The following CCDC192 variants were observed in gnomAD, a reference collection of about 807,000 sequenced individuals.
The protein encoded by CCDC192 is coiled-coil domain containing 192.
intron 5 of CCDC192, among the ~76,000 whole-genome samples, chr5:127,803,382 C>G (rs1457974383): frequency 6.6e-6 from 1 of 152,206 alleles, no homozygotes; most frequent in Non-Finnish European, 1.5e-5. Context: ...CCGGGCTAAG[C>G]TGCCCTGGGC....
chr5:127,917,935 T>C (rs969767385), intron 6 of CCDC192, among the ~76,000 whole-genome samples: 1 of 151,988 alleles, frequency 6.6e-6, no homozygotes, highest in Non-Finnish European at 1.5e-5. Context: ...AGCCCAGGTG[T>C]TGGAGACTAA....
At chr5:127,819,888 T>G (rs1172259117) in intron 5 of CCDC192, among the ~76,000 whole-genome samples, 2 of 152,230 alleles carry the variant, frequency 1.3e-5, no homozygotes, top group Non-Finnish European at 2.9e-5. Flanking sequence ...TATAAGGTGC[T>G]TGCACTTGCA....
chr5:127,787,013 T>A (rs1470930703), intron 3 of CCDC192: 1 of 330,248 alleles, frequency 3.0e-6, no homozygotes, highest in Non-Finnish European at 6.0e-6. Flanking sequence ...CTTCAGGCCA[T>A]GGGGGTTCTG....
intron 6 of CCDC192, among the ~76,000 whole-genome samples, chr5:127,913,488 C>A (rs1753433619): frequency 6.6e-6 from 1 of 152,256 alleles, no homozygotes; most frequent in African/African-American, 2.4e-5. Context: ...TTTAGGTTCA[C>A]TTCTACCTAG....
At chr5:127,929,824 G>T (rs1014551396) in intron 6 of CCDC192, among the ~76,000 whole-genome samples, 5 of 152,110 alleles carry the variant, frequency 3.3e-5, no homozygotes, top group Non-Finnish European at 5.9e-5. Context: ...TTCATAAGGA[G>T]GTATCCTTAA....
At chr5:127,753,012 T>A (rs1185478737) in intron 2 of CCDC192, among the ~76,000 whole-genome samples, 2 of 152,162 alleles carry the variant, frequency 1.3e-5, no homozygotes. Context: ...GCCCACTGTC[T>A]GGCACTCCCT....
chr5:127,874,508 G>C (rs1327281085), intron 5 of CCDC192, among the ~76,000 whole-genome samples: 1 of 152,114 alleles, frequency 6.6e-6, no homozygotes, highest in Non-Finnish European at 1.5e-5. Context: ...TTGATAAATT[G>C]ATTTTACTGG....
chr5:127,710,655 G>A (rs1751272048), intron 2 of CCDC192, among the ~76,000 whole-genome samples: 1 of 152,108 alleles, frequency 6.6e-6, no homozygotes, highest in African/African-American at 2.4e-5. Context: ...AGTAGCAGGT[G>A]ATTGAAATTC....
rs1660043128 is a variant in CCDC192 at position 127,933,979 on chromosome 5, A to G, written c.536-7203A>G. 2.6e-5 allele frequency among the ~76,000 whole-genome samples: 4 copies of G among 152,332 alleles called. No individual in the cohort carries two copies. In the South Asian group the frequency reaches 8.3e-4, roughly 32 times the overall value. The stretch of plus-strand genomic sequence containing the variant: ...AATTCTGTTGTTTATAAACTAAGGC[A>G]TCCTAAGCAGACTGAGATATGCAGG... On this transcript the variant is annotated intron_variant, in intron 6 of 6. Coordinates refer to ENST00000514853, the MANE Select transcript of CCDC192 (RefSeq NM_001317938.2).
chr5:127,925,400 G>T (rs1266057604), intron 6 of CCDC192, among the ~76,000 whole-genome samples: 1 of 152,070 alleles, frequency 6.6e-6, no homozygotes, highest in Admixed American at 6.5e-5. Flanking sequence ...AATTGGAATG[G>T]CATTCCACAA....
At chr5:127,936,110 A>G (rs1310089875) in intron 6 of CCDC192, among the ~76,000 whole-genome samples, 2 of 152,206 alleles carry the variant, frequency 1.3e-5, no homozygotes, top group African/African-American at 2.4e-5. Flanking sequence ...GTTTCAAAAA[A>G]AGAAAAGAAA....
At chr5:127,737,908 T>C (rs1753120543) in intron 2 of CCDC192, among the ~76,000 whole-genome samples, 1 of 152,040 alleles carries the variant, frequency 6.6e-6, no homozygotes, top group Non-Finnish European at 1.5e-5. Context: ...TGTCTTTTAA[T>C]TGGAGCATTT....
intron 5 of CCDC192, among the ~76,000 whole-genome samples, chr5:127,816,267 G>C (rs1214338897): frequency 2.0e-5 from 3 of 152,168 alleles, no homozygotes; most frequent in African/African-American, 7.2e-5. Context: ...GCTTTTTAGA[G>C]GGAATTTGCT....
intron 2 of CCDC192, chr5:127,739,541 T>C: frequency 6.2e-6 from 1 of 161,684 alleles, no homozygotes; most frequent in East Asian, 1.8e-4. Context: ...CGCTGCCGCC[T>C]TGCAGTTTGA....
chr5:127,853,169 A>G (rs992809694), intron 5 of CCDC192, among the ~76,000 whole-genome samples: 1 of 152,186 alleles, frequency 6.6e-6, no homozygotes, highest in Non-Finnish European at 1.5e-5. Flanking sequence ...CCACCAGAAT[A>G]TTCTACCAAG....
At chr5:127,920,315 C>T (rs976307064) in intron 6 of CCDC192, among the ~76,000 whole-genome samples, 33 of 150,978 alleles carry the variant, frequency 2.2e-4, no homozygotes, top group African/African-American at 7.6e-4. Context: ...CAAGAATTAA[C>T]ATTTCATTGA....
At chr5:127,797,731 GTATATATATA>G (rs146458343) in intron 4 of CCDC192, among the ~76,000 whole-genome samples, 36 of 21,044 alleles carry the variant, frequency 1.7e-3, no homozygotes, top group Admixed American at 3.9e-3. Flanking sequence ...TCATGTGAAG[GTATATATATA>G]TATATATATA....
At chr5:127,929,169 A>T (rs1050439332) in intron 6 of CCDC192, among the ~76,000 whole-genome samples, 3 of 152,202 alleles carry the variant, frequency 2.0e-5, no homozygotes, top group Non-Finnish European at 2.9e-5. Context: ...ATTTTATTTC[A>T]TCATTTTTAG....
intron 5 of CCDC192, among the ~76,000 whole-genome samples, chr5:127,800,596 C>T (rs528902552): frequency 2.0e-3 from 305 of 152,126 alleles, no homozygotes; most frequent in African/African-American, 7.2e-3. Context: ...AACTGAAGTA[C>T]TCTGGTTCTT....
Sources: allele counts gnomAD v4.1 joint callset (sites outside exome capture counted in the v4.1 genomes callset), GRCh38; gene constraint gnomAD v4.1.1; transcripts MANE v1.5; gene names NCBI Gene and HGNC (gene_info 2026-07-23, HGNC 2026-07-21).